Variants in VAV3 observed in about 807,000 individuals in gnomAD.
VAV3 encodes the protein vav guanine nucleotide exchange factor 3, also known as guanine nucleotide exchange factor VAV3.
Under a neutral mutation model 131.2 loss-of-function variants are expected in VAV3, and 94 were observed. The observed-to-expected ratio is 0.72, with a 90% CI of 0.61 to 0.85. VAV3 has a LOEUF of 0.85. Among genes scored for constraint, VAV3 ranks in the 40% least tolerant of loss-of-function variants. The probability of loss-of-function intolerance (pLI) is 0.00; values close to 1 mark genes in which losing one functional copy is unlikely to be tolerated. For synonymous variants in VAV3, 349 were observed against 342.0 expected (o/e 1.02, Z -0.22); for missense variants, 939 against 1,002.7 (o/e 0.94, Z 0.86).
intron 19 of VAV3, among the ~76,000 whole-genome samples, chr1:107,656,097 T>C (rs116266226): frequency 0.013 from 1,954 of 152,242 alleles, 45 homozygotes; most frequent in African/African-American, 0.045. Context: ...ATTCCACTAC[T>C]GGGTATATAG....
rs192026505 is a variant in VAV3, at chr1:107,840,962, C to T, written c.321+33939G>A. 6.8e-3 allele frequency among the ~76,000 whole-genome samples: 1,028 copies of T among 151,852 alleles called. 6 individuals are homozygous for T. The highest frequency in any genetic ancestry group is 0.012 in the African/African-American group (510 of 41,406). ...TCATCTGGCAATCAAATAGCTTATA[C>T]GGGAAGGCTGGAGGCAGTGAGACCA... On this transcript the variant is annotated intron_variant, in intron 2 of 26. Transcript: ENST00000370056.
intron 19 of VAV3, among the ~76,000 whole-genome samples, chr1:107,681,298 G>C (rs1002182062): frequency 2.0e-5 from 3 of 152,128 alleles, no homozygotes; most frequent in African/African-American, 7.2e-5. Context: ...ATAATGCATT[G>C]TGGAAGCAGT....
intron 1 of VAV3, among the ~76,000 whole-genome samples, chr1:107,939,776 G>A (rs904328038): frequency 3.9e-5 from 6 of 152,104 alleles, no homozygotes; most frequent in African/African-American, 1.4e-4. Context: ...ATTAAAAATG[G>A]GGAAGGAAGG....
intron 22 of VAV3, 152 bp downstream of exon 22, chr1:107,609,779 A>G (rs924691721): frequency 1.3e-6 from 1 of 742,726 alleles, no homozygotes. Flanking sequence ...TCAGCAATAC[A>G]TGAATTCATT....
intron 15 of VAV3, among the ~76,000 whole-genome samples, chr1:107,709,757 T>C (rs1007543605): frequency 6.6e-6 from 1 of 152,220 alleles, no homozygotes; most frequent in African/African-American, 2.4e-5. Context: ...TGGGCACTCA[T>C]TCTTCTCCTT....
At chr1:107,602,529 A>C in intron 23 of VAV3, 45 bp from the exon 24 acceptor site, 1 of 1,444,674 alleles carries the variant, frequency 6.9e-7, no homozygotes, top group Non-Finnish European at 9.3e-7. Context: ...GTTTTTAATC[A>C]GTAGAAATCA....
chr1:107,725,900 C>T (rs1393949768), intron 15 of VAV3, among the ~76,000 whole-genome samples: 4 of 152,082 alleles, frequency 2.6e-5, no homozygotes, highest in Non-Finnish European at 5.9e-5. Context: ...ATGTTTTAAG[C>T]CAATGACAAT....
Position 107,768,513 on chromosome 1 carries a change from C to T in VAV3, c.649-4G>A. 6.2e-7 allele frequency: 1 copy of T among 1,609,540 alleles called. No individual in the cohort carries two copies. Among genetic ancestry groups the T allele is most frequent in the Non-Finnish European group, 8.5e-7 (1 of 1,177,048 alleles). ...TTTTTAGTGGTGCCATGAAATACTA[C>T]CAGGAAAGAAGAAGAAAATAGTAAT... On this transcript the variant is annotated splice_polypyrimidine_tract_variant and splice_region_variant and intron_variant, in intron 6 of 26. Coordinates refer to ENST00000370056, the MANE Select transcript of VAV3 (RefSeq NM_006113.5).
In VAV3 at chr1:107,638,213, A is replaced by G. The variant is rs1387959612; in HGVS notation, c.1914+4406T>C. On this transcript the variant is annotated intron_variant, in intron 20 of 26. Coordinates refer to ENST00000370056, the MANE Select transcript of VAV3 (RefSeq NM_006113.5). ...TTTACTGGACATTCTAGCCATTGCTACAAGTCAAGAAAAAGAAATAAAAGG... is the reference window on the plus strand; with the variant it reads ...TTTACTGGACATTCTAGCCATTGCTGCAAGTCAAGAAAAAGAAATAAAAGG... Among the ~76,000 whole-genome samples the G allele has an allele frequency of 2.0e-5, 3 of 152,216 alleles. No individual in the cohort carries two copies. In the East Asian group the frequency reaches 5.8e-4, roughly 29 times the overall value.
chr1:107,793,914 A>G (rs2102279979), intron 2 of VAV3, among the ~76,000 whole-genome samples: 1 of 152,356 alleles, frequency 6.6e-6, no homozygotes, highest in South Asian at 2.1e-4. Flanking sequence ...TTATGAAAAC[A>G]GGGATCCACT....
chr1:107,611,680 C>T (rs914904804), intron 21 of VAV3, among the ~76,000 whole-genome samples: 1 of 151,414 alleles, frequency 6.6e-6, no homozygotes, highest in South Asian at 2.1e-4. Flanking sequence ...TGGCTGTGGA[C>T]TCCTTTGGCT....
chr1:107,935,222 T>C (rs1673650109), intron 1 of VAV3, among the ~76,000 whole-genome samples: 1 of 152,236 alleles, frequency 6.6e-6, no homozygotes, highest in African/African-American at 2.4e-5. Flanking sequence ...TGCTTCTAAT[T>C]ATTCCTTCAT....
intron 15 of VAV3, among the ~76,000 whole-genome samples, chr1:107,728,613 GTATATGTATATGTATATGTA>G (rs1662011774): frequency 9.8e-6 from 1 of 102,024 alleles, no homozygotes; most frequent in Non-Finnish European, 2.3e-5. Flanking sequence ...ATATGTATAT[GTATATGTATATGTATATGTA>G]TATGTATATG....
At chr1:107,710,924 C>T (rs1325769965) in intron 15 of VAV3, among the ~76,000 whole-genome samples, 1 of 152,080 alleles carries the variant, frequency 6.6e-6, no homozygotes, top group Admixed American at 6.6e-5. Context: ...GGGATAGTTT[C>T]TTACTATGAT....
intron 2 of VAV3, among the ~76,000 whole-genome samples, chr1:107,858,212 C>G (rs780931508): frequency 1.3e-5 from 2 of 152,122 alleles, no homozygotes; most frequent in Non-Finnish European, 2.9e-5. Flanking sequence ...TTGCTTTCTT[C>G]CCATTTCTTT....
At chr1:107,643,661 C>A (rs934672903) in intron 19 of VAV3, among the ~76,000 whole-genome samples, 1 of 152,090 alleles carries the variant, frequency 6.6e-6, no homozygotes, top group African/African-American at 2.4e-5. Flanking sequence ...CTGTAACTGG[C>A]TGAAAATGCT....
At chr1:107,664,098 G>A (rs1326072840) in intron 19 of VAV3, among the ~76,000 whole-genome samples, 1 of 151,928 alleles carries the variant, frequency 6.6e-6, no homozygotes. Context: ...TTTCTTAATG[G>A]TTTAATAAGC....
chr1:107,736,711 A>G (rs1570862781), intron 15 of VAV3, among the ~76,000 whole-genome samples: 1 of 151,818 alleles, frequency 6.6e-6, no homozygotes, highest in South Asian at 2.1e-4. Context: ...AAGAAGACAC[A>G]AACAAATGGA....
intron 1 of VAV3, among the ~76,000 whole-genome samples, chr1:107,925,833 AT>A (rs1479215246): frequency 3.3e-5 from 5 of 151,884 alleles, no homozygotes; most frequent in East Asian, 1.9e-4. Context: ...CAAAGAAAAA[AT>A]GTTACATATA....
Sources: gnomAD v4.1 joint callset for allele counts (sites outside exome capture counted in the v4.1 genomes callset) on GRCh38, gnomAD v4.1.1 for gene constraint, MANE v1.5 for transcripts, NCBI Gene and HGNC (gene_info 2026-07-23, HGNC 2026-07-21) for gene names.